Variants in GNB1 observed in about 807,000 individuals in gnomAD.
GNB1 encodes the protein G protein subunit beta 1.
A neutral mutation model predicts 42.9 loss-of-function variants in GNB1; 2 were observed. The observed-to-expected ratio is 0.05, with a 90% CI of 0.02 to 0.15. GNB1 has a LOEUF of 0.15. Among genes scored for constraint, GNB1 ranks in the 10% least tolerant of loss-of-function variants. The probability of loss-of-function intolerance (pLI) is 1.00; values close to 1 mark genes in which losing one functional copy is unlikely to be tolerated. For missense variants in GNB1, 193 were observed against 462.2 expected, an observed-to-expected ratio of 0.42 and a Z score of 5.34; for synonymous variants, 183 against 174.7, an observed-to-expected ratio of 1.05 and a Z score of -0.38.
At chr1:1,832,076 A>G (rs985590347) in intron 2 of GNB1, among the ~76,000 whole-genome samples, 1 of 151,538 alleles carries the variant, frequency 6.6e-6, no homozygotes, top group African/African-American at 2.4e-5. Flanking sequence ...AAAAAAAAAA[A>G]AAAGAAAAGA....
chr1:1,880,049 A>G (rs1317259321), intron 1 of GNB1, among the ~76,000 whole-genome samples: 1 of 151,998 alleles, frequency 6.6e-6, no homozygotes, highest in Non-Finnish European at 1.5e-5. Flanking sequence ...CTCCTGCCTC[A>G]GCCTCCCCAG....
intron 7 of GNB1, among the ~76,000 whole-genome samples, chr1:1,800,826 A>G (rs1354510293): frequency 6.6e-6 from 1 of 152,170 alleles, no homozygotes; most frequent in Non-Finnish European, 1.5e-5. Context: ...CAGCAAAAAT[A>G]CCCTTCAAGA....
intron 5 of GNB1, among the ~76,000 whole-genome samples, chr1:1,810,749 CCT>C (rs936739477): frequency 1.5e-4 from 22 of 150,936 alleles, no homozygotes; most frequent in Non-Finnish European, 2.8e-4. Flanking sequence ...CTCACTGCAA[CCT>C]CTGCCTCCTG....
At chr1:1,845,414 A>G (rs1417869903) in intron 1 of GNB1, among the ~76,000 whole-genome samples, 2 of 152,098 alleles carry the variant, frequency 1.3e-5, no homozygotes, top group African/African-American at 4.8e-5. Flanking sequence ...TCTACTAAAA[A>G]TACAAAAAAT....
At chr1:1,833,676 G>A (rs1189044797) in intron 2 of GNB1, among the ~76,000 whole-genome samples, 5 of 152,226 alleles carry the variant, frequency 3.3e-5, no homozygotes, top group African/African-American at 1.2e-4. Flanking sequence ...GCGAACGGGT[G>A]AAGTGTGCCA....
At chr1:1,863,309 A>G (rs1437042857) in intron 1 of GNB1, among the ~76,000 whole-genome samples, 1 of 152,182 alleles carries the variant, frequency 6.6e-6, no homozygotes, top group Non-Finnish European at 1.5e-5. Context: ...ACAACACCCA[A>G]TCATGTAAGT....
At chr1:1,811,155 G>C (rs551121889) in intron 5 of GNB1, among the ~76,000 whole-genome samples, 14 of 149,620 alleles carry the variant, frequency 9.4e-5, no homozygotes, top group Non-Finnish European at 1.9e-4. Context: ...GTGTGATCTT[G>C]GCTCACTGCA....
chr1:1,858,155 A>G (rs1173991980), intron 1 of GNB1, among the ~76,000 whole-genome samples: 1 of 152,202 alleles, frequency 6.6e-6, no homozygotes, highest in Non-Finnish European at 1.5e-5. Context: ...TTTCTTTAAA[A>G]GCATTCATGA....
chr1:1,858,816 G>A (rs1348455629), intron 1 of GNB1, among the ~76,000 whole-genome samples: 1 of 152,158 alleles, frequency 6.6e-6, no homozygotes, highest in Non-Finnish European at 1.5e-5. Flanking sequence ...CCTTCCCGAT[G>A]ACGTCACATC....
At chr1:1,877,255 G>A (rs1054718496) in intron 1 of GNB1, among the ~76,000 whole-genome samples, 6 of 148,446 alleles carry the variant, frequency 4.0e-5, no homozygotes, top group African/African-American at 7.5e-5. Flanking sequence ...AGCCGAGATC[G>A]CGCCTCTGCA....
intron 1 of GNB1, among the ~76,000 whole-genome samples, chr1:1,871,436 G>A (rs190890326): frequency 4.2e-4 from 64 of 152,172 alleles, no homozygotes; most frequent in East Asian, 5.8e-4. Flanking sequence ...CTCCAGCCAC[G>A]GCAACAGAGT....
At chr1:1,845,738 GC>G (rs1647612996) in intron 1 of GNB1, among the ~76,000 whole-genome samples, 1 of 151,782 alleles carries the variant, frequency 6.6e-6, no homozygotes, top group South Asian at 2.1e-4. Context: ...GCAAGGAATG[GC>G]CCCCTGGGGT....
At chr1:1,835,588 G>C (rs541837824) in intron 2 of GNB1, among the ~76,000 whole-genome samples, 1 of 152,174 alleles carries the variant, frequency 6.6e-6, no homozygotes, top group Non-Finnish European at 1.5e-5. Flanking sequence ...CCCTTTTGCA[G>C]AAATCAAAAA....
At chr1:1,853,968 T>C (rs1648124677) in intron 1 of GNB1, among the ~76,000 whole-genome samples, 1 of 152,162 alleles carries the variant, frequency 6.6e-6, no homozygotes, top group African/African-American at 2.4e-5. Flanking sequence ...ATATCTGGGT[T>C]CGTATTTGTA....
At chr1:1,861,363 C>T (rs937735277) in intron 1 of GNB1, among the ~76,000 whole-genome samples, 1 of 151,936 alleles carries the variant, frequency 6.6e-6, no homozygotes, top group East Asian at 1.9e-4. Context: ...GCAGGAGGAT[C>T]ACTGAGCCTC....
At chr1:1,839,304 C>T (rs1270218875) in intron 1 of GNB1, 66 bp from the exon 2 acceptor site, 1 of 152,054 alleles carries the variant, frequency 6.6e-6, no homozygotes, top group African/African-American at 2.4e-5. Context: ...TTCTATTTTG[C>T]TAGTAGCTAT....
intron 1 of GNB1, among the ~76,000 whole-genome samples, chr1:1,847,795 G>T (rs1418594444): frequency 6.6e-6 from 1 of 152,052 alleles, no homozygotes; most frequent in African/African-American, 2.4e-5. Flanking sequence ...AGGGTAGGGG[G>T]GTGGGTAAGG....
At chr1:1,865,661 C>T (rs978916641) in intron 1 of GNB1, among the ~76,000 whole-genome samples, 1 of 152,170 alleles carries the variant, frequency 6.6e-6, no homozygotes, top group Admixed American at 6.5e-5. Flanking sequence ...CAGGATACAG[C>T]AAGAAACATG....
At chr1:1,821,732 C>T (rs563118201) in intron 3 of GNB1, among the ~76,000 whole-genome samples, 6 of 152,180 alleles carry the variant, frequency 3.9e-5, no homozygotes, top group African/African-American at 1.4e-4. Context: ...GTGGCTGCTG[C>T]GCACAGCAAA....
Sources: gnomAD v4.1 joint callset for allele counts (sites outside exome capture counted in the v4.1 genomes callset) on GRCh38, gnomAD v4.1.1 for gene constraint, MANE v1.5 for transcripts, NCBI Gene and HGNC (gene_info 2026-07-23, HGNC 2026-07-21) for gene names.